The following LRMDA variants were observed in gnomAD, a reference collection of about 807,000 sequenced individuals.
LRMDA encodes the protein leucine-rich melanocyte differentiation-associated protein.
A neutral mutation model predicts 29.8 loss-of-function variants in LRMDA; 18 were observed. That is an observed-to-expected ratio of 0.60 (90% CI 0.42 to 0.90). LRMDA has a LOEUF of 0.90. LRMDA is among the 40% of genes least tolerant of loss of function. The probability of loss-of-function intolerance (pLI) is 0.00; values close to 1 mark genes in which losing one functional copy is unlikely to be tolerated. For synonymous variants in LRMDA, 125 were observed against 109.4 expected, an observed-to-expected ratio of 1.14 and a Z score of -0.89; for missense variants, 273 against 273.9, an observed-to-expected ratio of 1.00 and a Z score of 0.02.
chr10:76,193,795 C>T (rs1375523366), intron 5 of LRMDA, among the ~76,000 whole-genome samples: 1 of 151,996 alleles, frequency 6.6e-6, no homozygotes, highest in East Asian at 1.9e-4. Context: ...GAGATCCAAG[C>T]AGAAAATTAT....
chr10:76,104,979 A>G (rs1849457142), intron 5 of LRMDA, among the ~76,000 whole-genome samples: 1 of 152,160 alleles, frequency 6.6e-6, no homozygotes, highest in Non-Finnish European at 1.5e-5. Flanking sequence ...CTCTGCCTGC[A>G]AGTGTCTTCT....
intron 2 of LRMDA, among the ~76,000 whole-genome samples, chr10:75,827,346 G>A (rs907073181): frequency 2.0e-5 from 3 of 152,162 alleles, no homozygotes; most frequent in African/African-American, 7.2e-5. Context: ...GTTGAAGTGG[G>A]TGTGTCATGA....
chr10:75,499,574 A>C (rs1200064132), intron 2 of LRMDA, among the ~76,000 whole-genome samples: 1 of 152,218 alleles, frequency 6.6e-6, no homozygotes, highest in Non-Finnish European at 1.5e-5. Context: ...AGTGCCTGGC[A>C]AAAAGCAAAT....
At chr10:76,425,746 T>C (rs928805795) in intron 6 of LRMDA, among the ~76,000 whole-genome samples, 7 of 139,640 alleles carry the variant, frequency 5.0e-5, no homozygotes, top group African/African-American at 1.8e-4. Context: ...ATGCTATCCC[T>C]TCCCCCTCCC....
At chr10:75,592,103 C>T (rs1021311255) in intron 2 of LRMDA, among the ~76,000 whole-genome samples, 4 of 151,894 alleles carry the variant, frequency 2.6e-5, no homozygotes, top group African/African-American at 9.7e-5. Flanking sequence ...GAGGGGACAG[C>T]ATGACTTGAG....
In LRMDA at chr10:75,750,728, G is replaced by A. The variant is rs533528210; in HGVS notation, c.132-285280G>A. On this transcript the variant is annotated intron_variant, in intron 2 of 6. Coordinates refer to ENST00000611255, the MANE Select transcript of LRMDA (RefSeq NM_001305581.2). ...CTCACATCCCAGACGGGGCGGGGGGGCAGAGGGGCTCCTCACATCCCAGAC... is the reference window on the plus strand; with the variant it reads ...CTCACATCCCAGACGGGGCGGGGGGACAGAGGGGCTCCTCACATCCCAGAC... 2.3e-3 allele frequency among the ~76,000 whole-genome samples: 331 copies of A among 143,660 alleles called. 2 individuals carry two copies. The highest frequency in any genetic ancestry group is 0.012 in the Middle Eastern group (3 of 244). 94.2% of individuals were successfully genotyped at this position (143,660 alleles called of 152,430 possible).
chr10:75,670,645 G>T (rs1841880102), intron 2 of LRMDA, among the ~76,000 whole-genome samples: 1 of 152,170 alleles, frequency 6.6e-6, no homozygotes, highest in African/African-American at 2.4e-5. Context: ...CTCCAGCTTG[G>T]TGTGCGTTGA....
chr10:76,429,853 T>C (rs1207099844), intron 6 of LRMDA, among the ~76,000 whole-genome samples: 4 of 151,888 alleles, frequency 2.6e-5, no homozygotes, highest in Non-Finnish European at 4.4e-5. Flanking sequence ...CCTGCCGAGA[T>C]GGAATTGCAC....
chr10:76,077,968 C>T (rs1331960229), intron 5 of LRMDA, among the ~76,000 whole-genome samples: 2 of 141,892 alleles, frequency 1.4e-5, no homozygotes, highest in African/African-American at 2.7e-5. Flanking sequence ...TATTCTCATT[C>T]CTACCCCTAA....
At chr10:76,513,103 T>C (rs1843024680) in intron 6 of LRMDA, among the ~76,000 whole-genome samples, 1 of 152,142 alleles carries the variant, frequency 6.6e-6, no homozygotes, top group Non-Finnish European at 1.5e-5. Flanking sequence ...ATCAATGTAA[T>C]AAATTTATGT....
At chr10:76,375,723 AT>A (rs35821785) in intron 6 of LRMDA, among the ~76,000 whole-genome samples, 108 of 142,914 alleles carry the variant, frequency 7.6e-4, no homozygotes, top group Middle Eastern at 3.7e-3. Flanking sequence ...TCCATGCTGA[AT>A]TTTTTTTTTT....
rs1214137613 is a variant in LRMDA, at chr10:75,559,855, T to G, written c.131+121361T>G. 2.4e-5 allele frequency among the ~76,000 whole-genome samples: 2 copies of G among 83,676 alleles called. 1 individual carries two copies. The highest frequency in any genetic ancestry group is 5.7e-5 in the African/African-American group (2 of 35,310). 54.9% of individuals were successfully genotyped at this position (83,676 alleles called of 152,430 possible). On this transcript the variant is annotated intron_variant, in intron 2 of 6. Coordinates refer to ENST00000611255, the MANE Select transcript of LRMDA (RefSeq NM_001305581.2). Reference sequence around the variant, plus strand: ...ATCACATGGTTGTAGTTGTGTGGTGTTATTTCTGAGGCCACTGTTCTGTTC... The same window carrying G: ...ATCACATGGTTGTAGTTGTGTGGTGGTATTTCTGAGGCCACTGTTCTGTTC...
At position 75,727,733 on chromosome 10, in the gene LRMDA, A is replaced by G. The variant is rs1842647613; in HGVS notation, c.131+289239A>G. Among the ~76,000 whole-genome samples, 2 of 152,184 alleles carry G rather than the reference A, an allele frequency of 1.3e-5. 1 individual carries two copies. Among genetic ancestry groups the G allele is most frequent in the South Asian group, 4.1e-4 (2 of 4,830 alleles). On this transcript the variant is annotated intron_variant, in intron 2 of 6. Transcript: ENST00000611255. ...CTCAGTTAATTCCTTTTCTATTTATATTTTGTGCAGCTGAGAAAGGACATT... is the reference window on the plus strand; with the variant it reads ...CTCAGTTAATTCCTTTTCTATTTATGTTTTGTGCAGCTGAGAAAGGACATT...
chr10:75,714,816 T>C (rs1842478161), intron 2 of LRMDA, among the ~76,000 whole-genome samples: 1 of 151,856 alleles, frequency 6.6e-6, no homozygotes, highest in Non-Finnish European at 1.5e-5. Context: ...CCTTCCTCCT[T>C]CTTTCCCTTC....
At chr10:76,015,901 A>T (rs1415304207) in intron 2 of LRMDA, among the ~76,000 whole-genome samples, 1 of 152,204 alleles carries the variant, frequency 6.6e-6, no homozygotes, top group Non-Finnish European at 1.5e-5. Context: ...TATGATTTTC[A>T]AGTCTCATCT....
At chr10:75,923,190 A>T (rs74146940) in intron 2 of LRMDA, among the ~76,000 whole-genome samples, 7,047 of 152,306 alleles carry the variant, frequency 0.046, 526 homozygotes, top group African/African-American at 0.16. Flanking sequence ...ATTGCGGCTT[A>T]TTTAAATACT....
intron 2 of LRMDA, among the ~76,000 whole-genome samples, chr10:75,657,526 T>A (rs1389947112): frequency 6.6e-6 from 1 of 152,172 alleles, no homozygotes; most frequent in East Asian, 1.9e-4. Context: ...GGGATTCAAA[T>A]CCCTGATCCC....
intron 6 of LRMDA, among the ~76,000 whole-genome samples, chr10:76,328,549 G>C (rs545467680): frequency 5.9e-5 from 9 of 152,262 alleles, no homozygotes; most frequent in Middle Eastern, 3.4e-3. Flanking sequence ...CCTGACCTTT[G>C]TCCTTTACCC....
intron 2 of LRMDA, among the ~76,000 whole-genome samples, chr10:75,991,659 A>G (rs1847372304): frequency 6.6e-6 from 1 of 152,206 alleles, no homozygotes; most frequent in Non-Finnish European, 1.5e-5. Context: ...GTGACTGATG[A>G]GTGGTACCTA....
Sources: gnomAD v4.1 joint callset for allele counts (sites outside exome capture counted in the v4.1 genomes callset) on GRCh38, gnomAD v4.1.1 for gene constraint, MANE v1.5 for transcripts, NCBI Gene and HGNC (gene_info 2026-07-23, HGNC 2026-07-21) for gene names.